Variants in FAM83F observed in about 807,000 individuals in gnomAD.
FAM83F encodes the protein protein FAM83F.
A neutral mutation model predicts 42.9 loss-of-function variants in FAM83F; 45 were observed. The ratio of observed to expected loss-of-function variants is 1.05; its 90% CI spans 0.83 to 1.35. FAM83F has a LOEUF of 1.35. FAM83F is among the 40% of genes most tolerant of loss of function. FAM83F has a pLI of 0.00. For missense variants in FAM83F, 617 were observed against 695.9 expected (o/e 0.89, Z 1.28); for synonymous variants, 306 against 298.3 (o/e 1.03, Z -0.27).
chr22:40,028,890 C>T (rs972510554), intron 4 of FAM83F, among the ~76,000 whole-genome samples: 4 of 152,198 alleles, frequency 2.6e-5, no homozygotes, highest in Non-Finnish European at 5.9e-5. Context: ...CGGCCTGTGG[C>T]GGAAGGAGCT....
rs1226803232 is a variant in FAM83F, at chr22:40,021,390, A to G, written c.880A>G (p.Ile294Val). 4 of 1,613,350 alleles carry G rather than the reference A, an allele frequency of 2.5e-6. No individual in the cohort carries two copies. Among genetic ancestry groups the G allele is most frequent in the African/African-American group, 2.7e-5 (2 of 74,926 alleles). Reference protein sequence around the residue: ...FDTEFRELYAISEEVDLYRQL... With the variant: ...FDTEFRELYAVSEEVDLYRQL... Reference sequence around the variant, plus strand: ...CACGGAGTTCCGGGAGCTGTACGCCATCTCCGAGGAGGTGGACTTGTACCG... The same window carrying G: ...CACGGAGTTCCGGGAGCTGTACGCCGTCTCCGAGGAGGTGGACTTGTACCG... Residue 294 changes from isoleucine (I) to valine (V), a missense_variant, in exon 4 of 5, where the codon ATC becomes GTC. Coordinates refer to ENST00000333407, the MANE Select transcript of FAM83F (RefSeq NM_138435.4). This position sits in a 1 kb window ranked among gnomAD's most constrained non-coding sequence, Gnocchi z 8.7.
chr22:40,001,941 C>T (rs1334093082), intron 1 of FAM83F, among the ~76,000 whole-genome samples: 1 of 152,196 alleles, frequency 6.6e-6, no homozygotes, highest in African/African-American at 2.4e-5. Context: ...ACAGGAGTGG[C>T]TGCCCACAGC....
intron 1 of FAM83F, among the ~76,000 whole-genome samples, chr22:40,009,057 T>TA (rs2067450095): frequency 6.6e-6 from 1 of 152,118 alleles, no homozygotes; most frequent in Non-Finnish European, 1.5e-5. Flanking sequence ...CCATTTGCCT[T>TA]ATAACGATCC....
At position 40,040,970 on chromosome 22, in the gene FAM83F, C is replaced by T. The variant is rs979768072; in HGVS notation, c.*11405C>T. The T allele has an allele frequency of 6.6e-6, 1 of 152,230 alleles. No individual in the cohort carries two copies. Among genetic ancestry groups the T allele is most frequent in the Non-Finnish European group, 1.5e-5 (1 of 68,068 alleles). The allele number at this position is 152,230 out of a possible 1,614,324, so 9.4% of individuals were successfully genotyped here. On this transcript the variant is annotated 3_prime_UTR_variant, in exon 5 of 5. Coordinates refer to ENST00000333407, the MANE Select transcript of FAM83F (RefSeq NM_138435.4). ...AGCTTGCTATCCCCCCTTCCCCCAG[C>T]TTGTGGGTTATTGCAGAATTGTTCA...
In FAM83F at chr22:40,019,243, C is replaced by T. The variant is rs147568761; in HGVS notation, c.565C>T (p.Arg189Trp). The T allele has an allele frequency of 1.1e-4, 182 of 1,614,146 alleles. No homozygotes were observed. The highest frequency in any genetic ancestry group is 5.7e-4 in the African/African-American group (43 of 75,034). Residue 189 changes from arginine (R) to tryptophan (W), a missense_variant, in exon 2 of 5, where the codon CGG (arginine) becomes TGG (tryptophan). By Grantham distance (101) the Arg-to-Trp change is moderately radical. Transcript: ENST00000333407. ...QDIVDAACKRRVPVYIILDEA... is the reference protein window; with the variant it reads ...QDIVDAACKRWVPVYIILDEA... ...CATTGTGGATGCTGCCTGTAAGCGC[C>T]GGGTCCCAGTGTACATCATCCTGGA...
At chr22:40,011,482 T>G (rs1226723961) in intron 1 of FAM83F, among the ~76,000 whole-genome samples, 3 of 152,124 alleles carry the variant, frequency 2.0e-5, no homozygotes, top group Non-Finnish European at 4.4e-5. Flanking sequence ...CTCCTGATAG[T>G]TTATCTCCCA....
chr22:40,016,204 T>C (rs1243479227), intron 1 of FAM83F, among the ~76,000 whole-genome samples: 1 of 138,858 alleles, frequency 7.2e-6, no homozygotes, highest in Non-Finnish European at 1.6e-5. Context: ...TGTTGTTTTT[T>C]TATTTTTTTT....
Position 40,021,863 on chromosome 22 carries a change from G to A in FAM83F, c.1353G>A (p.Ala451=), listed in dbSNP as rs1012713304. The change falls in exon 4 of 5, where the codon GCG becomes GCA. Residue 451 remains alanine, a synonymous_variant. Transcript: ENST00000333407. This position sits in a 1 kb window ranked among gnomAD's most constrained non-coding sequence, Gnocchi z 8.7. ...RLFSRRAKRP[A]APNGMASSVS... ...TCAGTCGCCGAGCCAAGAGGCCTGC[G>A]GCGCCCAATGGCATGGCCAGCTCTG... 5.6e-6 allele frequency: 9 copies of A among 1,611,660 alleles called. No individual in the cohort carries two copies. The highest frequency in any genetic ancestry group is 2.2e-5 in the East Asian group (1 of 44,854).
chr22:40,021,231 G>A lies in FAM83F; in HGVS notation c.780-59G>A, dbSNP rs865786523. On this transcript the variant is annotated intron_variant, in intron 3 of 4. Transcript: ENST00000333407. The surrounding 1 kb of genome is among the most constrained non-coding windows in gnomAD (Gnocchi z 8.7). ...AGCGGAGGGGCAGGTGGGGGCGGGG[G>A]CAGGGCAAGAGAGAGGCCTGGGCAC... The A allele has an allele frequency of 8.9e-6, 13 of 1,463,606 alleles. No individual in the cohort carries two copies. Among genetic ancestry groups the A allele is most frequent in the African/African-American group, 5.7e-5 (4 of 70,672 alleles). The allele number at this position is 1,463,606 out of a possible 1,614,324, so 90.7% of individuals were successfully genotyped here.
intron 1 of FAM83F, among the ~76,000 whole-genome samples, chr22:40,004,132 C>A (rs1034241751): frequency 2.6e-5 from 4 of 151,854 alleles, no homozygotes; most frequent in Non-Finnish European, 5.9e-5. Flanking sequence ...CAGAGGAGTA[C>A]GGTGAGAATT....
At chr22:40,013,970 A>ATTGGTT (rs891385996) in intron 1 of FAM83F, among the ~76,000 whole-genome samples, 1 of 151,396 alleles carries the variant, frequency 6.6e-6, no homozygotes, top group African/African-American at 2.4e-5. Context: ...GAAGAAGGCT[A>ATTGGTT]TTGGTTTTTG....
chr22:40,019,353 GGTGGAAA>G lies in FAM83F; in HGVS notation c.657+24_657+30del, dbSNP rs370651742. 793 of 1,610,732 alleles carry G rather than the reference GGTGGAAA, an allele frequency of 4.9e-4. 6 individuals carry two copies. In the African/African-American group the frequency reaches 9.5e-3, roughly 19 times the overall value. ...GGATTCGGGTAAGTTGCACCACTGG[GGTGGAAA>G]GTGGACAGGAGATGAGACAGAGACT... On this transcript the variant is annotated intron_variant, in intron 2 of 4. Transcript: ENST00000333407.
At chr22:40,019,651 T>A (rs2145719369) in intron 2 of FAM83F, among the ~76,000 whole-genome samples, 1 of 152,318 alleles carries the variant, frequency 6.6e-6, no homozygotes, top group South Asian at 2.1e-4. Flanking sequence ...TGGGGCCTTT[T>A]GAGAAGAGGC....
rs2067533614 is a variant in FAM83F at position 40,023,432 on chromosome 22, GGGAAGAGGGGAAGGAGGT to G, written c.1453+1487_1453+1504del. Among the ~76,000 whole-genome samples the G allele has an allele frequency of 6.6e-6, 1 of 152,128 alleles. No homozygotes were observed. Among genetic ancestry groups the G allele is most frequent in the Admixed American group, 6.5e-5 (1 of 15,272 alleles). On this transcript the variant is annotated intron_variant, in intron 4 of 4. Transcript: ENST00000333407. This position sits in a 1 kb window ranked among gnomAD's most constrained non-coding sequence, Gnocchi z 4.1. ...GGTGAACACCTGGCAAGGGAGCGAG[GGGAAGAGGGGAAGGAGGT>G]GGAAGAGGGGAAGGAGGGGGCGAGC... is the stretch of plus-strand genomic sequence containing the variant.
At chr22:40,026,929 C>T (rs533433050) in intron 4 of FAM83F, among the ~76,000 whole-genome samples, 1 of 152,298 alleles carries the variant, frequency 6.6e-6, no homozygotes, top group South Asian at 2.1e-4. Flanking sequence ...GCTGTTATTA[C>T]TGTTGTTACT....
chr22:40,004,720 G>A (rs2067419389), intron 1 of FAM83F, among the ~76,000 whole-genome samples: 2 of 152,204 alleles, frequency 1.3e-5, no homozygotes, highest in Admixed American at 1.3e-4. Flanking sequence ...TTACAGGCGT[G>A]AGCCACCGCG....
chr22:39,999,610 T>A (rs137971334), intron 1 of FAM83F, among the ~76,000 whole-genome samples: 28 of 152,310 alleles, frequency 1.8e-4, no homozygotes, highest in African/African-American at 5.5e-4. Context: ...AAATGACTTA[T>A]CTTCAGACCA....
At position 40,023,592 on chromosome 22, in the gene FAM83F, G is replaced by T. The variant is rs570431147; in HGVS notation, c.1453+1629G>T. ...ATGGAAACTCAAAGCCCATTGTCTT[G>T]TCCCTTCCCGCTGCCTTCTGCGTGT... On this transcript the variant is annotated intron_variant, in intron 4 of 4. Coordinates refer to ENST00000333407, the MANE Select transcript of FAM83F (RefSeq NM_138435.4). The surrounding 1 kb of genome is among the most constrained non-coding windows in gnomAD (Gnocchi z 4.1). Among the ~76,000 whole-genome samples, 4 of 152,180 alleles carry T rather than the reference G, an allele frequency of 2.6e-5. No individual in the cohort carries two copies. Among genetic ancestry groups the T allele is most frequent in the African/African-American group, 9.6e-5 (4 of 41,540 alleles).
chr22:40,008,257 G>A (rs780742448), intron 1 of FAM83F, among the ~76,000 whole-genome samples: 9 of 152,244 alleles, frequency 5.9e-5, no homozygotes, highest in Non-Finnish European at 1.3e-4. Context: ...CGCGGGAGGC[G>A]CGGGCTGCCT....
Sources: gnomAD v4.1 joint callset for allele counts (sites outside exome capture counted in the v4.1 genomes callset) on GRCh38, gnomAD v4.1.1 for gene constraint, Gnocchi (gnomAD v3.1) non-coding constraint, MANE v1.5 for transcripts, NCBI Gene and HGNC (gene_info 2026-07-23, HGNC 2026-07-21) for gene names.